ZBTB7C: variants seen among roughly 807,000 people sequenced by gnomAD.
ZBTB7C encodes the protein zinc finger and BTB domain-containing protein 7C.
A neutral mutation model predicts 25.7 loss-of-function variants in ZBTB7C; 8 were observed. The ratio of observed to expected loss-of-function variants is 0.31; its 90% CI spans 0.18 to 0.56. The LOEUF (loss-of-function observed/expected upper bound fraction) is 0.56. Among genes scored for constraint, ZBTB7C ranks in the 20% least tolerant of loss-of-function variants. The pLI is 0.91. For synonymous variants in ZBTB7C, 394 were observed against 369.0 expected, an observed-to-expected ratio of 1.07 and a Z score of -0.78; for missense variants, 824 against 855.2, an observed-to-expected ratio of 0.96 and a Z score of 0.46.
chr18:48,253,036 G>A (rs1438769131), intron 2 of ZBTB7C, among the ~76,000 whole-genome samples: 3 of 152,176 alleles, frequency 2.0e-5, no homozygotes, highest in Non-Finnish European at 4.4e-5. Flanking sequence ...AGAATAGAGA[G>A]GAGGGGAAAG....
chr18:48,211,407 A>G (rs1335007095), intron 2 of ZBTB7C, among the ~76,000 whole-genome samples: 1 of 152,274 alleles, frequency 6.6e-6, no homozygotes, highest in Non-Finnish European at 1.5e-5. Flanking sequence ...AAGACAAGCC[A>G]TAGAGTAGGA....
chr18:48,310,632 T>G (rs2045795773), intron 2 of ZBTB7C, among the ~76,000 whole-genome samples: 1 of 152,154 alleles, frequency 6.6e-6, no homozygotes, highest in Non-Finnish European at 1.5e-5. Context: ...GTCACCCAAG[T>G]GCACAGGCCT....
chr18:48,114,884 C>G (rs1263256535), intron 3 of ZBTB7C, among the ~76,000 whole-genome samples: 1 of 152,170 alleles, frequency 6.6e-6, no homozygotes. Flanking sequence ...AAATAACTAA[C>G]AATTTTTTTC....
intron 3 of ZBTB7C, among the ~76,000 whole-genome samples, chr18:48,075,707 A>G (rs899948866): frequency 6.6e-6 from 1 of 152,154 alleles, no homozygotes; most frequent in Admixed American, 6.5e-5. Flanking sequence ...CCCCAGGTAG[A>G]AAGGTAGAAA....
chr18:48,233,832 A>G (rs1243579877), intron 2 of ZBTB7C, among the ~76,000 whole-genome samples: 1 of 152,156 alleles, frequency 6.6e-6, no homozygotes, highest in African/African-American at 2.4e-5. Context: ...GCTTGTGGCA[A>G]AGCCCAAAGG....
chr18:48,254,204 A>G (rs1298380294), intron 2 of ZBTB7C, among the ~76,000 whole-genome samples: 1 of 152,254 alleles, frequency 6.6e-6, no homozygotes, highest in Non-Finnish European at 1.5e-5. Flanking sequence ...GCAGACATAG[A>G]CAAGAAAGCT....
At chr18:48,107,529 C>G (rs1408420657) in intron 3 of ZBTB7C, among the ~76,000 whole-genome samples, 2 of 152,066 alleles carry the variant, frequency 1.3e-5, no homozygotes, top group African/African-American at 4.8e-5. Context: ...TCACCGACAT[C>G]TCCAGGCAGC....
At chr18:48,318,042 C>T (rs979997118) in intron 2 of ZBTB7C, among the ~76,000 whole-genome samples, 27 of 150,844 alleles carry the variant, frequency 1.8e-4, no homozygotes, top group Admixed American at 1.7e-3. Context: ...ATAGCCCAGC[C>T]CTTCAGTCGC....
At chr18:48,351,498 A>G (rs1018665267) in intron 1 of ZBTB7C, among the ~76,000 whole-genome samples, 1 of 152,106 alleles carries the variant, frequency 6.6e-6, no homozygotes, top group Admixed American at 6.5e-5. Context: ...GTATACCACC[A>G]CTGTCTAAAA....
chr18:48,164,369 G>A (rs1225181759), intron 3 of ZBTB7C, among the ~76,000 whole-genome samples: 1 of 152,162 alleles, frequency 6.6e-6, no homozygotes, highest in Non-Finnish European at 1.5e-5. Flanking sequence ...TCTCATTCCA[G>A]GGTAAGCCTT....
At chr18:48,168,514 A>G (rs1331642695) in intron 3 of ZBTB7C, among the ~76,000 whole-genome samples, 1 of 152,242 alleles carries the variant, frequency 6.6e-6, no homozygotes, top group Non-Finnish European at 1.5e-5. Flanking sequence ...GCTCCTATAC[A>G]TCAATAAGGA....
At chr18:48,291,896 T>A (rs2097096) in intron 2 of ZBTB7C, among the ~76,000 whole-genome samples, 141 of 151,922 alleles carry the variant, frequency 9.3e-4, no homozygotes, top group African/African-American at 3.2e-3. Flanking sequence ...GGACTCAGCC[T>A]CTTAAAAATT....
At chr18:48,213,056 G>A (rs1236191011) in intron 2 of ZBTB7C, among the ~76,000 whole-genome samples, 1 of 151,708 alleles carries the variant, frequency 6.6e-6, no homozygotes, top group African/African-American at 2.4e-5. Flanking sequence ...AGCTCCCCCA[G>A]CTTACACCCT....
intron 4 of ZBTB7C, among the ~76,000 whole-genome samples, chr18:48,034,656 G>A (rs1441273106): frequency 2.0e-5 from 3 of 152,132 alleles, no homozygotes; most frequent in East Asian, 1.9e-4. Flanking sequence ...CTCACTGCGC[G>A]TTTGGTGACT....
Position 48,400,206 on chromosome 18 carries a change from C to G in ZBTB7C, c.-304+9020G>C, listed in dbSNP as rs544152135. Among the ~76,000 whole-genome samples the G allele has an allele frequency of 2.0e-5, 3 of 152,302 alleles. No homozygotes were observed. The East Asian group carries it at 5.8e-4, about 29-fold the overall frequency. ...AGACCTACTGTATAAATGGTCCAGA[C>G]AGAACTTTGTAAGGACATCCTTTCA... is the stretch of plus-strand genomic sequence containing the variant. On this transcript the variant is annotated intron_variant, in intron 1 of 4. Transcript: ENST00000590800.
At chr18:48,136,202 G>T (rs896971459) in intron 3 of ZBTB7C, among the ~76,000 whole-genome samples, 1 of 152,304 alleles carries the variant, frequency 6.6e-6, no homozygotes, top group East Asian at 1.9e-4. Context: ...GGGTGACGCC[G>T]GCCCGGGCGC....
intron 3 of ZBTB7C, among the ~76,000 whole-genome samples, chr18:48,091,333 T>C (rs892822152): frequency 5.3e-5 from 8 of 150,016 alleles, no homozygotes; most frequent in African/African-American, 2.0e-4. Context: ...TCCTCCCATC[T>C]TGGCCTCCCA....
intron 3 of ZBTB7C, among the ~76,000 whole-genome samples, chr18:48,069,185 CCA>C (rs1568192678): frequency 6.6e-6 from 1 of 151,934 alleles, no homozygotes; most frequent in Non-Finnish European, 1.5e-5. Flanking sequence ...GCATACTGTC[CCA>C]CAGTCACTGG....
At chr18:48,051,217 G>A (rs568725144) in intron 3 of ZBTB7C, among the ~76,000 whole-genome samples, 11 of 152,312 alleles carry the variant, frequency 7.2e-5, no homozygotes, top group African/African-American at 1.9e-4. Flanking sequence ...GCCAGGGTGC[G>A]CTTCTCTAGG....
Sources: gnomAD v4.1 joint callset for allele counts (sites outside exome capture counted in the v4.1 genomes callset) on GRCh38, gnomAD v4.1.1 for gene constraint, MANE v1.5 for transcripts, NCBI Gene and HGNC (gene_info 2026-07-23, HGNC 2026-07-21) for gene names.